NEB: variants seen among roughly 807,000 people sequenced by gnomAD.
The protein encoded by NEB is nebulin.
A neutral mutation model predicts 952.2 loss-of-function variants in NEB; 512 were observed. The ratio of observed to expected loss-of-function variants is 0.54; its 90% CI spans 0.50 to 0.58. The LOEUF (loss-of-function observed/expected upper bound fraction) is 0.58, where lower values mean the gene tolerates loss of function less well. Ranked by LOEUF, NEB falls within the 20% of genes least tolerant of loss-of-function variation. The probability of loss-of-function intolerance (pLI) is 0.00; values close to 1 mark genes in which losing one functional copy is unlikely to be tolerated. For synonymous variants in NEB, 2,900 were observed against 3,149.8 expected, an observed-to-expected ratio of 0.92 and a Z score of 2.66; for missense variants, 8,428 against 9,231.1, an observed-to-expected ratio of 0.91 and a Z score of 3.56.
intron 105 of NEB, among the ~76,000 whole-genome samples, chr2:151,576,760 C>A (rs1477621020): frequency 2.6e-5 from 4 of 151,580 alleles, no homozygotes; most frequent in African/African-American, 9.7e-5. Context: ...GTCTCAAACC[C>A]CTGACCTCAG....
intron 57 of NEB, 135 bp downstream of exon 57, chr2:151,643,683 A>G (rs1574932984): frequency 7.2e-7 from 1 of 1,389,010 alleles, no homozygotes; most frequent in Non-Finnish European, 9.7e-7. Context: ...GTGCCTCCAG[A>G]TGTCTGGGTG....
chr2:151,677,495 T>A, intron 34 of NEB, 70 bp downstream of exon 34: 1 of 1,157,416 alleles, frequency 8.6e-7, no homozygotes, highest in Non-Finnish European at 1.2e-6. Context: ...AAAAAATATA[T>A]TGGGCTGCTG....
rs759637718 is a variant in NEB at position 151,534,236 on chromosome 2, G to A, written c.21313-690C>T. On this transcript the variant is annotated intron_variant, in intron 142 of 181. Transcript: ENST00000397345. Reference sequence around the variant, plus strand: ...GTACCTGACTGATCTGGTCGCCTGCGGTCTTAGCCAGCAGATGTCTAGGCT... The same window carrying A: ...GTACCTGACTGATCTGGTCGCCTGCAGTCTTAGCCAGCAGATGTCTAGGCT... 41 of 1,613,306 alleles carry A rather than the reference G, an allele frequency of 2.5e-5. No individual in the cohort carries two copies. The highest frequency in any genetic ancestry group is 1.7e-4 in the African/African-American group (13 of 74,916).
rs766065501 is a variant in NEB, at chr2:151,612,210, C to G, written c.11781G>C (p.Lys3927Asn). ...ITDTPEIVLA[K>N]NNALTMSKHL... ...CCTTGCTCATTGTCAGGGCATTATT[C>G]TTTGCTAGGACAATTTCCGGAGTGT... The change falls in exon 78 of 182, where the codon AAG becomes AAC. Residue 3927 changes from lysine (K) to asparagine (N), a missense_variant. Transcript: ENST00000397345. The G allele has an allele frequency of 8.1e-6, 13 of 1,613,662 alleles. No homozygotes were observed. The highest frequency in any genetic ancestry group is 1.0e-5 in the Non-Finnish European group (12 of 1,179,784).
Position 151,619,633 on chromosome 2 carries a change from C to A in NEB, c.10690G>T (p.Asp3564Tyr). The A allele has an allele frequency of 6.2e-7, 1 of 1,613,952 alleles. No individual in the cohort carries two copies. Among genetic ancestry groups the A allele is most frequent in the Non-Finnish European group, 8.5e-7 (1 of 1,179,876 alleles). ...TACCTTGTCTTGTATTTCTCAAAAT[C>A]TTTCTTGTACTCACGGTCACTCTGC... is the stretch of plus-strand genomic sequence containing the variant. ...KVQSDREYKKDFEKYKTRYSS... is the reference protein window; with the variant it reads ...KVQSDREYKKYFEKYKTRYSS... The change falls in exon 73 of 182, where the codon GAT becomes TAT. Residue 3564 changes from aspartate (D) to tyrosine (Y), a missense_variant. Coordinates refer to ENST00000397345, the MANE Select transcript of NEB (RefSeq NM_001164508.2).
intron 140 of NEB, among the ~76,000 whole-genome samples, chr2:151,537,563 A>C (rs530271998): frequency 6.6e-6 from 1 of 152,320 alleles, no homozygotes; most frequent in South Asian, 2.1e-4. Context: ...TATGTGTCTT[A>C]ATTGCTTCAT....
intron 3 of NEB, among the ~76,000 whole-genome samples, chr2:151,730,718 G>A (rs2099805670): frequency 6.7e-6 from 1 of 149,872 alleles, no homozygotes; most frequent in African/African-American, 2.5e-5. Flanking sequence ...AAAACATTAA[G>A]ATGCAAAATT....
At chr2:151,670,977 C>T (rs1314291406) in intron 38 of NEB, 46 bp downstream of exon 38, 41 of 1,551,770 alleles carry the variant, frequency 2.6e-5, no homozygotes, top group Non-Finnish European at 3.4e-5. Context: ...GGCTCAGACA[C>T]GTGTGGTTAT....
At position 151,531,786 on chromosome 2, in the gene NEB, A is replaced by G; in HGVS notation, c.21522+6T>C. 6.3e-7 allele frequency: 1 copy of G among 1,599,774 alleles called. No individual in the cohort carries two copies. The highest frequency in any genetic ancestry group is 8.6e-7 in the Non-Finnish European group (1 of 1,168,614). On this transcript the variant is annotated splice_donor_region_variant and intron_variant, in intron 144 of 181. Transcript: ENST00000397345. ...TGAGAAGGTATTCAGTGTTTCTTGC[A>G]CTTACATCGCTGATTTGTTTGTTGA...
At chr2:151,707,620 T>C (rs1456927313) in intron 12 of NEB, among the ~76,000 whole-genome samples, 3 of 152,220 alleles carry the variant, frequency 2.0e-5, no homozygotes, top group East Asian at 1.9e-4. Flanking sequence ...TTGAGGGGTG[T>C]TGGGGGAGAA....
intron 180 of NEB, 29 bp from the exon 181 acceptor site, chr2:151,490,106 A>G (rs2055002748): frequency 6.5e-7 from 1 of 1,538,230 alleles, no homozygotes; most frequent in South Asian, 1.2e-5. Context: ...ATTCTTTATA[A>G]GAAGAAAAAT....
intron 46 of NEB, among the ~76,000 whole-genome samples, chr2:151,660,081 G>T (rs2099129999): frequency 1.3e-5 from 2 of 152,114 alleles, no homozygotes; most frequent in South Asian, 4.2e-4. Context: ...TCTCACTCAA[G>T]AGTATGCCCT....
rs1287926262 is a variant in NEB, at chr2:151,617,351, A to G, written c.11181+13T>C. On this transcript the variant is annotated intron_variant, in intron 75 of 181. Transcript: ENST00000397345. Reference sequence around the variant, plus strand: ...TGCCTTTCTGTTCATTACAAGATCAACAGTTTACTTACATCACTGTAGTTT... The same window carrying G: ...TGCCTTTCTGTTCATTACAAGATCAGCAGTTTACTTACATCACTGTAGTTT... The G allele has an allele frequency of 6.6e-7, 1 of 1,518,652 alleles. No individual in the cohort carries two copies. The highest frequency in any genetic ancestry group is 2.0e-5 in the Admixed American group (1 of 51,168). The allele number at this position is 1,518,652 out of a possible 1,614,324, so 94.1% of individuals were successfully genotyped here. A position where few individuals can be genotyped will look rare whatever the true frequency, so the allele number is the denominator to read the frequency against.
chr2:151,625,314 A>G (rs1381883958), intron 71 of NEB, among the ~76,000 whole-genome samples: 2 of 152,068 alleles, frequency 1.3e-5, no homozygotes, highest in African/African-American at 4.8e-5. Flanking sequence ...TGAAATGAAG[A>G]TATTTTTGTG....
chr2:151,506,826 A>G (rs746598121), intron 163 of NEB, 83 bp downstream of exon 163: 65 of 890,510 alleles, frequency 7.3e-5, no homozygotes, highest in Non-Finnish European at 1.1e-4. Flanking sequence ...AATTGTGTGT[A>G]TCAATATAAG....
intron 13 of NEB, among the ~76,000 whole-genome samples, 162 bp downstream of exon 13, chr2:151,706,719 G>C (rs2099708030): frequency 6.6e-6 from 1 of 152,198 alleles, no homozygotes; most frequent in Non-Finnish European, 1.5e-5. Flanking sequence ...ATTGTACTCA[G>C]AGGGACTCAT....
intron 145 of NEB, 85 bp downstream of exon 145, chr2:151,530,909 G>T (rs978218269): frequency 2.4e-6 from 2 of 836,234 alleles, no homozygotes; most frequent in African/African-American, 3.4e-5. Flanking sequence ...TGTTACACAG[G>T]AATAGATAAC....
Position 151,656,383 on chromosome 2 carries a change from G to T in NEB, c.6265C>A (p.His2089Asn). ...TGCATCTTAGCCACTTGCATGGAAT[G>T]GACTAATTTGGGATCATCCTCGAGA... ...RSLEDDPKLV[H>N]SMQVAKMQSD... The change falls in exon 49 of 182, where the codon CAT becomes AAT. Residue 2089 changes from histidine to asparagine, a missense_variant. Coordinates refer to ENST00000397345, the MANE Select transcript of NEB (RefSeq NM_001164508.2). 6.2e-7 allele frequency: 1 copy of T among 1,613,480 alleles called. No homozygotes were observed. Among genetic ancestry groups the T allele is most frequent in the Admixed American group, 1.7e-5 (1 of 59,956 alleles).
chr2:151,490,174 T>G (rs1273688844), intron 180 of NEB, 97 bp from the exon 181 acceptor site: 4 of 1,199,742 alleles, frequency 3.3e-6, no homozygotes, highest in African/African-American at 1.5e-5. Context: ...TCCCCCAACT[T>G]AGAATGATTT....
Sources: allele counts gnomAD v4.1 joint callset (sites outside exome capture counted in the v4.1 genomes callset), GRCh38; gene constraint gnomAD v4.1.1; transcripts MANE v1.5; gene names NCBI Gene and HGNC (gene_info 2026-07-23, HGNC 2026-07-21).